MID1: variants seen among roughly 807,000 people sequenced by gnomAD.
The protein encoded by MID1 is midline 1.
A neutral mutation model predicts 40.4 loss-of-function variants in MID1; 7 were observed. That is an observed-to-expected ratio of 0.17 (90% CI 0.10 to 0.33). The LOEUF (loss-of-function observed/expected upper bound fraction) is 0.33. Among genes scored for constraint, MID1 ranks in the 10% least tolerant of loss-of-function variants. The pLI, the probability that MID1 is intolerant of heterozygous loss-of-function variation, is 1.00. For synonymous variants in MID1, 229 were observed against 221.2 expected (o/e 1.04, Z -0.31); for missense variants, 367 against 558.5 (o/e 0.66, Z 3.46).
intron 1 of MID1, among the ~76,000 whole-genome samples, chrX:10,813,104 G>A (rs760472168): frequency 1.4e-4 from 15 of 110,418 alleles, no homozygotes; most frequent in Non-Finnish European, 1.1e-4. Flanking sequence ...CCTTCACTCA[G>A]GTCTCTTGGA....
At chrX:10,602,226 T>C (rs1243427307) in intron 1 of MID1, among the ~76,000 whole-genome samples, 1 of 71,933 alleles carries the variant, frequency 1.4e-5, no homozygotes, top group Admixed American at 1.3e-4. Context: ...AGTTTCTGAC[T>C]TTTTTTTTTT....
At chrX:10,473,381 T>A (rs1166202610) in intron 6 of MID1, among the ~76,000 whole-genome samples, 1 of 112,172 alleles carries the variant, frequency 8.9e-6, no homozygotes, top group Non-Finnish European at 1.9e-5. Flanking sequence ...GAGTGGTATG[T>A]TTGAAAGAGA....
chrX:10,597,532 G>GCAAA (rs746246279), intron 1 of MID1, among the ~76,000 whole-genome samples: 40 of 111,421 alleles, frequency 3.6e-4, no homozygotes, highest in Admixed American at 8.6e-4. Flanking sequence ...GTTCTCAGTG[G>GCAAA]CAAACAAACA....
chrX:10,676,924 A>AG (rs1330866513), intron 1 of MID1, among the ~76,000 whole-genome samples: 1 of 111,391 alleles, frequency 9.0e-6, no homozygotes, highest in African/African-American at 3.3e-5. Flanking sequence ...GGGATGGGAG[A>AG]GGGGACACCT....
intron 1 of MID1, among the ~76,000 whole-genome samples, chrX:10,798,783 G>A (rs2043984840): frequency 8.9e-6 from 1 of 111,795 alleles, no homozygotes; most frequent in African/African-American, 3.2e-5. Flanking sequence ...TTGTATGGTT[G>A]TTGTAGGAAT....
At chrX:10,659,394 A>G (rs938004001) in intron 1 of MID1, among the ~76,000 whole-genome samples, 2 of 111,590 alleles carry the variant, frequency 1.8e-5, no homozygotes, top group African/African-American at 6.5e-5. Context: ...CAGATGAGGA[A>G]AGGGGGCAAC....
Position 10,523,107 on chromosome X carries a change from G to A in MID1, c.741C>T (p.Thr247=). Residue 247 remains threonine, a synonymous_variant, in exon 3 of 10, where the codon ACC becomes ACT. Coordinates refer to ENST00000317552, the MANE Select transcript of MID1 (RefSeq NM_000381.4). Reference sequence around the variant, plus strand: ...AGATACTCACTTCAACATGTTGACAGGTTTGGATGAGTTTAGCCAAAAGGG... The same window carrying A: ...AGATACTCACTTCAACATGTTGACAAGTTTGGATGAGTTTAGCCAAAAGGG... ...LETLLAKLIQ[T]CQHVEVNASR... 1.7e-6 allele frequency: 2 copies of A among 1,199,066 alleles called. No homozygotes were observed. Among genetic ancestry groups the A allele is most frequent in the Non-Finnish European group, 2.3e-6 (2 of 885,435 alleles).
chrX:10,498,626 C>T (rs1361111240), intron 3 of MID1, among the ~76,000 whole-genome samples: 1 of 111,921 alleles, frequency 8.9e-6, no homozygotes, highest in African/African-American at 3.3e-5. Flanking sequence ...CCTGCCCTAG[C>T]TCCAGCCCGA....
chrX:10,674,485 T>C (rs1458111225), intron 1 of MID1, among the ~76,000 whole-genome samples: 1 of 111,965 alleles, frequency 8.9e-6, no homozygotes, highest in Non-Finnish European at 1.9e-5. Context: ...ACCCAAGCAC[T>C]CAATAAATAT....
intron 1 of MID1, among the ~76,000 whole-genome samples, chrX:10,617,756 G>C (rs1176855807): frequency 1.8e-5 from 2 of 112,180 alleles, no homozygotes; most frequent in South Asian, 7.5e-4. Context: ...TTCTAGAACA[G>C]GTGGCCATGC....
intron 9 of MID1, among the ~76,000 whole-genome samples, chrX:10,450,924 C>T (rs1928291226): frequency 9.0e-6 from 1 of 111,532 alleles, no homozygotes; most frequent in Admixed American, 9.5e-5. Flanking sequence ...ATAGCAGAAA[C>T]CAGTCTAATT....
chrX:10,451,706 G>C (rs906837462), intron 9 of MID1, among the ~76,000 whole-genome samples: 6 of 111,335 alleles, frequency 5.4e-5, no homozygotes, highest in African/African-American at 2.0e-4. Flanking sequence ...GAGATCTGAT[G>C]GTTTTAAAAC....
chrX:10,676,711 A>G (rs183959503), intron 1 of MID1, among the ~76,000 whole-genome samples: 1 of 111,257 alleles, frequency 9.0e-6, no homozygotes, highest in East Asian at 2.8e-4. Context: ...ACTTCTGCAG[A>G]AGCGCCTCTC....
intron 1 of MID1, among the ~76,000 whole-genome samples, chrX:10,756,783 C>T (rs1035844065): frequency 8.9e-6 from 1 of 111,943 alleles, no homozygotes; most frequent in Non-Finnish European, 1.9e-5. Context: ...ATGTTGTGGG[C>T]TGAAAGCTCA....
chrX:10,743,270 C>T (rs2043536929), intron 1 of MID1, among the ~76,000 whole-genome samples: 1 of 112,443 alleles, frequency 8.9e-6, no homozygotes, highest in Admixed American at 9.4e-5. Context: ...GTATGAACAA[C>T]CTCAATGGCT....
chrX:10,475,538 A>G (rs1281393531), intron 5 of MID1, among the ~76,000 whole-genome samples: 1 of 112,185 alleles, frequency 8.9e-6, no homozygotes, highest in South Asian at 3.7e-4. Context: ...GTTATTAATA[A>G]TGAACACTTT....
chrX:10,541,651 A>G (rs1385772882), intron 2 of MID1, among the ~76,000 whole-genome samples: 1 of 111,640 alleles, frequency 9.0e-6, no homozygotes, highest in African/African-American at 3.3e-5. Flanking sequence ...TGTAGTAGAG[A>G]AAAAGTATTT....
chrX:10,676,503 C>T (rs751817850), intron 1 of MID1, among the ~76,000 whole-genome samples: 3 of 111,526 alleles, frequency 2.7e-5, no homozygotes, highest in Non-Finnish European at 5.7e-5. Flanking sequence ...CTAGTGTGGA[C>T]GAAAGGAAAC....
intron 5 of MID1, among the ~76,000 whole-genome samples, chrX:10,481,093 C>G (rs1930297217): frequency 8.9e-6 from 1 of 112,168 alleles, no homozygotes; most frequent in Admixed American, 9.4e-5. Flanking sequence ...TATTGGCACA[C>G]AGCCACACCC....
Sources: gnomAD v4.1 joint callset for allele counts (sites outside exome capture counted in the v4.1 genomes callset) on GRCh38, gnomAD v4.1.1 for gene constraint, MANE v1.5 for transcripts, NCBI Gene and HGNC (gene_info 2026-07-23, HGNC 2026-07-21) for gene names.